The following DPYD variants were observed in gnomAD, a reference collection of about 807,000 sequenced individuals.
DPYD encodes dihydropyrimidine dehydrogenase [NADP(+)].
In DPYD, 109 loss-of-function variants were observed where a neutral mutation model predicts 116.2. That is an observed-to-expected ratio of 0.94 (90% CI 0.80 to 1.10). The LOEUF (loss-of-function observed/expected upper bound fraction) is 1.10. Among genes scored for constraint, DPYD ranks in the 50% least tolerant of loss-of-function variants. The pLI is 0.00. For synonymous variants in DPYD, 440 were observed against 432.0 expected (o/e 1.02, Z -0.23); for missense variants, 1,302 against 1,254.5 (o/e 1.04, Z -0.57).
chr1:97,744,572 T>C (rs1664442801), intron 3 of DPYD, among the ~76,000 whole-genome samples: 1 of 152,070 alleles, frequency 6.6e-6, no homozygotes, highest in Non-Finnish European at 1.5e-5. Flanking sequence ...GCTATGTAAA[T>C]ATACGTTAAT....
chr1:97,242,124 G>GTATATATATA (rs71590220), intron 18 of DPYD, among the ~76,000 whole-genome samples: 32 of 35,824 alleles, frequency 8.9e-4, no homozygotes, highest in East Asian at 1.3e-3. Flanking sequence ...GTGTGCGTGT[G>GTATATATATA]TATATATATA....
intron 3 of DPYD, among the ~76,000 whole-genome samples, chr1:97,770,062 G>A (rs539064441): frequency 2.0e-5 from 3 of 152,138 alleles, no homozygotes; most frequent in African/African-American, 7.2e-5. Flanking sequence ...CTGAGAGGAA[G>A]GGCATTTTGG....
At chr1:97,648,593 C>A (rs1571125369) in intron 8 of DPYD, among the ~76,000 whole-genome samples, 1 of 151,882 alleles carries the variant, frequency 6.6e-6, no homozygotes, top group East Asian at 1.9e-4. Flanking sequence ...CTAGGAAAGA[C>A]ACTGATTTCT....
At chr1:97,917,666 G>C (rs1332006488) in intron 1 of DPYD, among the ~76,000 whole-genome samples, 1 of 152,170 alleles carries the variant, frequency 6.6e-6, no homozygotes, top group African/African-American at 2.4e-5. Flanking sequence ...GATCATTCAA[G>C]GAATGGGCCT....
chr1:97,125,603 T>A (rs1211360045), intron 20 of DPYD, among the ~76,000 whole-genome samples: 1 of 152,016 alleles, frequency 6.6e-6, no homozygotes, highest in Non-Finnish European at 1.5e-5. Context: ...CCCCAATTCA[T>A]ATATTGAAAC....
At position 97,699,552 on chromosome 1, in the gene DPYD, G is replaced by A. The variant is rs767955683; in HGVS notation, c.484-5C>T. 5.9e-5 allele frequency: 95 copies of A among 1,612,788 alleles called. No homozygotes were observed. The highest frequency in any genetic ancestry group is 1.6e-4 in the Middle Eastern group (1 of 6,080). The stretch of plus-strand genomic sequence containing the variant: ...GATACTCATTGCTTTGAATACCTAC[G>A]GGGAAATCAATTGTCATGGTTAAAA... On this transcript the variant is annotated splice_polypyrimidine_tract_variant and splice_region_variant and intron_variant, in intron 5 of 22. Coordinates refer to ENST00000370192, the MANE Select transcript of DPYD (RefSeq NM_000110.4).
chr1:97,852,358 A>G (rs1472018498), intron 2 of DPYD, among the ~76,000 whole-genome samples: 1 of 152,108 alleles, frequency 6.6e-6, no homozygotes, highest in Non-Finnish European at 1.5e-5. Context: ...ATATTAGTAT[A>G]TATTACTTTC....
chr1:97,794,223 C>T (rs1250304877), intron 3 of DPYD, among the ~76,000 whole-genome samples: 1 of 152,156 alleles, frequency 6.6e-6, no homozygotes, highest in East Asian at 1.9e-4. Context: ...CAGGCATAAG[C>T]CACCAGGCAA....
At chr1:97,414,546 A>G (rs913272862) in intron 14 of DPYD, among the ~76,000 whole-genome samples, 5 of 152,148 alleles carry the variant, frequency 3.3e-5, no homozygotes, top group African/African-American at 7.2e-5. Flanking sequence ...CAGAATAGAA[A>G]ATTCATTTGG....
At chr1:97,187,454 G>A (rs1236222735) in intron 20 of DPYD, among the ~76,000 whole-genome samples, 1 of 152,066 alleles carries the variant, frequency 6.6e-6, no homozygotes, top group African/African-American at 2.4e-5. Context: ...AGTTGTTTGA[G>A]TTCTTTGTAA....
At chr1:97,213,738 T>C (rs990670694) in intron 19 of DPYD, among the ~76,000 whole-genome samples, 4 of 152,170 alleles carry the variant, frequency 2.6e-5, no homozygotes, top group African/African-American at 9.7e-5. Context: ...AATTGTCAAT[T>C]GTTTGACCAT....
At chr1:97,306,709 A>G (rs1444208319) in intron 16 of DPYD, among the ~76,000 whole-genome samples, 2 of 151,990 alleles carry the variant, frequency 1.3e-5, no homozygotes, top group East Asian at 3.9e-4. Flanking sequence ...TGCTGACTCA[A>G]GTGAATGATA....
At chr1:97,768,022 T>G (rs576592446) in intron 3 of DPYD, among the ~76,000 whole-genome samples, 24 of 152,226 alleles carry the variant, frequency 1.6e-4, no homozygotes, top group African/African-American at 5.5e-4. Context: ...GATTTTTACT[T>G]AAATGTTTCC....
chr1:97,340,338 C>T (rs1669529110), intron 16 of DPYD, among the ~76,000 whole-genome samples: 4 of 152,010 alleles, frequency 2.6e-5, no homozygotes, highest in Admixed American at 2.6e-4. Flanking sequence ...TATGCATAAA[C>T]TATATATCAA....
chr1:97,130,754 T>C (rs1653232297), intron 20 of DPYD, among the ~76,000 whole-genome samples: 2 of 27,614 alleles, frequency 7.2e-5, no homozygotes, highest in African/African-American at 1.1e-4. Flanking sequence ...TCTTTCTCCC[T>C]TCCTTCCTTC....
At chr1:97,154,219 G>C (rs553904221) in intron 20 of DPYD, among the ~76,000 whole-genome samples, 1 of 152,242 alleles carries the variant, frequency 6.6e-6, no homozygotes, top group South Asian at 2.1e-4. Flanking sequence ...AGCAGAATTT[G>C]CAATTGCAAA....
rs1553209268 is a variant in DPYD at position 97,079,147 on chromosome 1, C to G, written c.2908-1G>C. The G allele has an allele frequency of 6.2e-7, 1 of 1,613,284 alleles. No individual in the cohort carries two copies. The highest frequency in any genetic ancestry group is 1.1e-5 in the South Asian group (1 of 91,058). On this transcript the variant is annotated splice_acceptor_variant, in intron 22 of 22. Coordinates refer to ENST00000370192, the MANE Select transcript of DPYD (RefSeq NM_000110.4). LOFTEE classifies it high-confidence loss of function. ...GGGTTTCTGGATCAAACTGTATAGC[C>G]TGCAAACAGAAATAGAGGGTATTGA... is the stretch of plus-strand genomic sequence containing the variant.
rs1557858215 is a variant in DPYD at position 97,092,838 on chromosome 1, CTT to C, written c.2766+5649_2766+5650del. On this transcript the variant is annotated intron_variant, in intron 21 of 22. Coordinates refer to ENST00000370192, the MANE Select transcript of DPYD (RefSeq NM_000110.4). ...CCATAAAAAAGCTGGACATCTTAGT[CTT>C]CTTATTATCAGCTCTTTACTATACC... 3.8e-5 allele frequency among the ~76,000 whole-genome samples: 3 copies of C among 78,408 alleles called. No individual in the cohort carries two copies. In the East Asian group the frequency reaches 3.7e-3, roughly 97 times the overall value. 51.4% of individuals were successfully genotyped at this position (78,408 alleles called of 152,430 possible). A position where few individuals can be genotyped will look rare whatever the true frequency, so the allele number is the denominator to read the frequency against.
At chr1:97,324,087 A>G (rs1337802972) in intron 16 of DPYD, among the ~76,000 whole-genome samples, 6 of 151,994 alleles carry the variant, frequency 3.9e-5, no homozygotes, top group African/African-American at 9.7e-5. Flanking sequence ...GTAGTGGTGG[A>G]TATCAACCCT....
Sources: gnomAD v4.1 joint callset for allele counts (sites outside exome capture counted in the v4.1 genomes callset) on GRCh38, gnomAD v4.1.1 for gene constraint, MANE v1.5 for transcripts, NCBI Gene and HGNC (gene_info 2026-07-23, HGNC 2026-07-21) for gene names.